EYS: variants seen among roughly 807,000 people sequenced by gnomAD.
EYS encodes protein eyes shut homolog.
In EYS, 250 loss-of-function variants were observed where a neutral mutation model predicts 282.1. The ratio of observed to expected loss-of-function variants is 0.89; its 90% CI spans 0.80 to 0.98. EYS has a LOEUF of 0.98. EYS is among the 50% of genes least tolerant of loss of function. EYS has a pLI of 0.00. For missense variants in EYS, 4,016 were observed against 3,709.0 expected (o/e 1.08, Z -2.15); for synonymous variants, 1,355 against 1,282.9 (o/e 1.06, Z -1.20).
intron 36 of EYS, among the ~76,000 whole-genome samples, chr6:63,850,401 GA>G (rs1448156486): frequency 6.6e-6 from 1 of 151,732 alleles, no homozygotes; most frequent in African/African-American, 2.4e-5. Flanking sequence ...TGAAATGAAG[GA>G]AAAAAAATGT....
chr6:64,453,038 A>G (rs555074068), intron 26 of EYS, among the ~76,000 whole-genome samples: 7 of 152,248 alleles, frequency 4.6e-5, no homozygotes, highest in African/African-American at 1.7e-4. Flanking sequence ...GAGCTTCTGC[A>G]CAGCAAAAGA....
intron 35 of EYS, among the ~76,000 whole-genome samples, chr6:63,894,990 GGC>G (rs1326202781): frequency 3.3e-5 from 5 of 151,668 alleles, no homozygotes; most frequent in African/African-American, 1.2e-4. Flanking sequence ...ACTAAGACAG[GGC>G]CATTGAGACT....
chr6:65,356,497 C>T (rs1366828370), intron 8 of EYS, among the ~76,000 whole-genome samples: 4 of 151,952 alleles, frequency 2.6e-5, no homozygotes, highest in African/African-American at 7.2e-5. Context: ...CACAGGGGTG[C>T]TGTGGTATTC....
At chr6:65,510,462 A>C (rs1463407601) in intron 2 of EYS, among the ~76,000 whole-genome samples, 2 of 152,044 alleles carry the variant, frequency 1.3e-5, no homozygotes, top group Non-Finnish European at 2.9e-5. Context: ...CAGCAAGGTG[A>C]AATGGGATAT....
intron 33 of EYS, among the ~76,000 whole-genome samples, chr6:64,022,854 C>T (rs1360546576): frequency 6.6e-6 from 1 of 152,190 alleles, no homozygotes; most frequent in African/African-American, 2.4e-5. Context: ...AAACCGCCAA[C>T]CTTCTCTTTG....
chr6:65,561,261 A>G (rs1411855), intron 2 of EYS, among the ~76,000 whole-genome samples: 1 of 151,960 alleles, frequency 6.6e-6, no homozygotes, highest in African/African-American at 2.4e-5. Flanking sequence ...TGTAAGCTCT[A>G]CTATTAACAT....
intron 12 of EYS, among the ~76,000 whole-genome samples, chr6:65,161,941 G>T (rs1764860438): frequency 6.6e-6 from 1 of 151,026 alleles, no homozygotes; most frequent in African/African-American, 2.4e-5. Context: ...CTCCTCACAT[G>T]GTCCATAACC....
chr6:63,896,013 A>G (rs374749534), intron 35 of EYS, among the ~76,000 whole-genome samples: 8 of 151,200 alleles, frequency 5.3e-5, no homozygotes, highest in Non-Finnish European at 1.0e-4. Flanking sequence ...TACTTTGTGA[A>G]TATTTTAATA....
chr6:64,848,419 T>C (rs983285340), intron 19 of EYS, among the ~76,000 whole-genome samples: 4 of 152,114 alleles, frequency 2.6e-5, no homozygotes, highest in African/African-American at 9.6e-5. Flanking sequence ...AAAAAATGCA[T>C]ATGAGTTAAG....
intron 14 of EYS, among the ~76,000 whole-genome samples, chr6:64,959,294 C>T (rs1368963155): frequency 1.3e-5 from 2 of 152,164 alleles, no homozygotes; most frequent in Non-Finnish European, 2.9e-5. Flanking sequence ...AACAAGCCCT[C>T]CAATCTGTGT....
chr6:64,661,933 C>G lies in EYS; in HGVS notation c.3444-35688G>C, dbSNP rs987591771. Among the ~76,000 whole-genome samples the G allele has an allele frequency of 8.0e-5, 12 of 150,304 alleles. No individual in the cohort carries two copies. The South Asian group carries it at 1.5e-3, about 19-fold the overall frequency. On this transcript the variant is annotated intron_variant, in intron 22 of 42. Coordinates refer to ENST00000503581, the MANE Select transcript of EYS (RefSeq NM_001142800.2). ...ATGCTGCTATAAAGACACATGCACA[C>G]GTATGTTTATTGCGGCACTATTCAC... is the stretch of plus-strand genomic sequence containing the variant.
intron 19 of EYS, among the ~76,000 whole-genome samples, chr6:64,832,512 T>C (rs1307337944): frequency 6.6e-6 from 1 of 151,844 alleles, no homozygotes; most frequent in Non-Finnish European, 1.5e-5. Flanking sequence ...TTTCTAGAGA[T>C]AAGCTATTAA....
At chr6:64,010,523 G>T (rs1018339796) in intron 33 of EYS, among the ~76,000 whole-genome samples, 1 of 151,840 alleles carries the variant, frequency 6.6e-6, no homozygotes, top group Non-Finnish European at 1.5e-5. Context: ...GTTTTTTCAG[G>T]CCCTTTCATA....
intron 22 of EYS, among the ~76,000 whole-genome samples, chr6:64,636,954 G>A (rs1360496710): frequency 3.2e-4 from 42 of 132,552 alleles, no homozygotes; most frequent in Non-Finnish European, 6.3e-4. Flanking sequence ...GTGCTAGAGA[G>A]GATATGGAGA....
chr6:63,736,691 T>C (rs1248492734), intron 41 of EYS, among the ~76,000 whole-genome samples: 2 of 152,228 alleles, frequency 1.3e-5, no homozygotes, highest in Non-Finnish European at 2.9e-5. Flanking sequence ...ACGGCCATTT[T>C]CACGATATTG....
At chr6:63,905,348 G>C (rs1263669521) in intron 35 of EYS, among the ~76,000 whole-genome samples, 1 of 42,890 alleles carries the variant, frequency 2.3e-5, no homozygotes, top group Non-Finnish European at 4.9e-5. Flanking sequence ...TTTTTTTTTT[G>C]AGACGGAGTC....
At position 64,025,180 on chromosome 6, in the gene EYS, C is replaced by T. The variant is rs555840012; in HGVS notation, c.6726-25997G>A. ...TAGTGCGGCTGCCGGACTAAAGACA[C>T]GGGTGCCAGGCTTTCTGGGAAAGGG... On this transcript the variant is annotated intron_variant, in intron 33 of 42. Coordinates refer to ENST00000503581, the MANE Select transcript of EYS (RefSeq NM_001142800.2). Among the ~76,000 whole-genome samples, 46 of 152,184 alleles carry T rather than the reference C, an allele frequency of 3.0e-4. 1 individual carries two copies. The highest frequency in any genetic ancestry group is 2.1e-3 in the South Asian group (10 of 4,810).
At chr6:64,372,912 T>C (rs1437587762) in intron 29 of EYS, among the ~76,000 whole-genome samples, 1 of 152,246 alleles carries the variant, frequency 6.6e-6, no homozygotes, top group Non-Finnish European at 1.5e-5. Flanking sequence ...TTCTTCTCCA[T>C]AAAATCAGTT....
intron 25 of EYS, among the ~76,000 whole-genome samples, chr6:64,592,452 T>G (rs1766442641): frequency 6.6e-6 from 1 of 152,132 alleles, no homozygotes; most frequent in African/African-American, 2.4e-5. Context: ...AGAAATTACA[T>G]AGATGAAAAA....
Sources: allele counts gnomAD v4.1 joint callset (sites outside exome capture counted in the v4.1 genomes callset), GRCh38; gene constraint gnomAD v4.1.1; transcripts MANE v1.5; gene names NCBI Gene and HGNC (gene_info 2026-07-23, HGNC 2026-07-21).